The following RALGPS1 variants were observed in gnomAD, a reference collection of about 807,000 sequenced individuals.
The protein encoded by RALGPS1 is Ral GEF with PH domain and SH3 binding motif 1.
Under a neutral mutation model 78.8 loss-of-function variants are expected in RALGPS1, and 19 were observed. The observed-to-expected ratio is 0.24, with a 90% CI of 0.17 to 0.35. The LOEUF (loss-of-function observed/expected upper bound fraction) is 0.35. RALGPS1 is among the 10% of genes least tolerant of loss of function. The pLI, the probability that RALGPS1 is intolerant of heterozygous loss-of-function variation, is 1.00. For synonymous variants in RALGPS1, 228 were observed against 256.3 expected (o/e 0.89, Z 1.06); for missense variants, 454 against 688.3 (o/e 0.66, Z 3.81).
intron 8 of RALGPS1, among the ~76,000 whole-genome samples, chr9:127,148,164 T>C (rs2058207583): frequency 6.6e-6 from 1 of 152,238 alleles, no homozygotes. Context: ...TATCTGTGGA[T>C]TCGGTGTATG....
intron 3 of RALGPS1, among the ~76,000 whole-genome samples, chr9:126,975,885 C>T (rs955725641): frequency 6.6e-6 from 1 of 152,184 alleles, no homozygotes; most frequent in African/African-American, 2.4e-5. Context: ...CTCTCTCCCA[C>T]CTCTCAGCCA....
chr9:127,181,574 T>C (rs1328400071), intron 11 of RALGPS1, among the ~76,000 whole-genome samples: 1 of 152,248 alleles, frequency 6.6e-6, no homozygotes, highest in African/African-American at 2.4e-5. Flanking sequence ...AGTCACACAT[T>C]GTCCCCAGTT....
At chr9:127,137,193 T>G (rs1055743218) in intron 8 of RALGPS1, among the ~76,000 whole-genome samples, 2 of 152,196 alleles carry the variant, frequency 1.3e-5, no homozygotes, top group African/African-American at 4.8e-5. Flanking sequence ...GAGAAGGGCA[T>G]GCAACCCAGC....
chr9:127,105,336 C>G (rs1204859212), intron 8 of RALGPS1, among the ~76,000 whole-genome samples: 2 of 152,190 alleles, frequency 1.3e-5, no homozygotes, highest in Non-Finnish European at 2.9e-5. Context: ...GTGCAGGACA[C>G]TTGGATACAC....
intron 8 of RALGPS1, among the ~76,000 whole-genome samples, chr9:127,104,567 G>A (rs767854220): frequency 6.6e-6 from 1 of 152,232 alleles, no homozygotes; most frequent in Non-Finnish European, 1.5e-5. Context: ...ACAAAGCCCA[G>A]GTGAGGAGCC....
intron 1 of RALGPS1, among the ~76,000 whole-genome samples, chr9:126,958,772 T>G (rs1224725474): frequency 6.6e-6 from 1 of 152,202 alleles, no homozygotes. Context: ...TTTTTTTAGG[T>G]AGATACCTAG....
At chr9:127,174,170 A>G (rs1249515127) in intron 10 of RALGPS1, among the ~76,000 whole-genome samples, 22 of 151,894 alleles carry the variant, frequency 1.4e-4, no homozygotes. Flanking sequence ...AGGCTGAGGC[A>G]GGAGAATCAC....
rs534626123 is a variant in RALGPS1, at chr9:127,010,810, A to G, written c.217-23621A>G. On this transcript the variant is annotated intron_variant, in intron 4 of 18. Transcript: ENST00000259351. ...CATGACTTGGGTCAGATGTGGGGAC[A>G]CTTGGCCATTAGGAAGCTTTACATA... is the stretch of plus-strand genomic sequence containing the variant. 2.0e-5 allele frequency among the ~76,000 whole-genome samples: 3 copies of G among 152,346 alleles called. No homozygotes were observed. The East Asian group carries it at 5.8e-4, about 29-fold the overall frequency.
intron 5 of RALGPS1, among the ~76,000 whole-genome samples, chr9:127,035,597 T>C (rs990157329): frequency 6.6e-6 from 1 of 152,156 alleles, no homozygotes; most frequent in African/African-American, 2.4e-5. Flanking sequence ...AGCTGGGCCT[T>C]CTCTCTCGGA....
At chr9:127,189,008 A>C (rs892012126) in intron 11 of RALGPS1, among the ~76,000 whole-genome samples, 2 of 145,770 alleles carry the variant, frequency 1.4e-5, no homozygotes, top group African/African-American at 4.9e-5. Flanking sequence ...AAAAAAAAAA[A>C]AAAAAAAAAA....
At chr9:126,922,908 A>C (rs1256650403) in intron 1 of RALGPS1, among the ~76,000 whole-genome samples, 1 of 152,204 alleles carries the variant, frequency 6.6e-6, no homozygotes, top group East Asian at 1.9e-4. Context: ...CATCATTAGC[A>C]TGGCCGGTGA....
At chr9:127,082,676 G>T (rs1009548508) in intron 8 of RALGPS1, among the ~76,000 whole-genome samples, 4 of 152,150 alleles carry the variant, frequency 2.6e-5, no homozygotes, top group African/African-American at 9.7e-5. Flanking sequence ...ATGCACTTGG[G>T]CAGCTCACTT....
chr9:127,164,242 T>C (rs939136095), intron 8 of RALGPS1, among the ~76,000 whole-genome samples: 1 of 152,114 alleles, frequency 6.6e-6, no homozygotes, highest in African/African-American at 2.4e-5. Context: ...AGCTTGTTAT[T>C]ATTATTATTA....
intron 8 of RALGPS1, chr9:127,089,126 T>C (rs1564554004): frequency 6.2e-7 from 1 of 1,614,024 alleles, no homozygotes; most frequent in Non-Finnish European, 8.5e-7. Context: ...CTTCTGGTAG[T>C]GGGCACAGTT....
intron 3 of RALGPS1, among the ~76,000 whole-genome samples, chr9:126,976,353 G>A (rs1034086220): frequency 2.7e-5 from 4 of 147,100 alleles, no homozygotes; most frequent in Admixed American, 6.8e-5. Flanking sequence ...ACGCACACAC[G>A]TACACCCTCA....
At chr9:126,971,836 G>A (rs2040151942) in intron 3 of RALGPS1, among the ~76,000 whole-genome samples, 1 of 152,140 alleles carries the variant, frequency 6.6e-6, no homozygotes, top group Non-Finnish European at 1.5e-5. Context: ...ATGACTATAG[G>A]ATAAAGTAAA....
At position 127,050,072 on chromosome 9, in the gene RALGPS1, A is replaced by G. The variant is rs373710225; in HGVS notation, c.330A>G (p.Leu110=). Residue 110 remains leucine, a synonymous_variant, in exon 6 of 19, where the codon CTA becomes CTG. Transcript: ENST00000259351. ...GTTTTTGGGTTGTACGAGAAATTCTAACAGCACAGACTTTAAAAATAAGGG... is the reference window on the plus strand; with the variant it reads ...GTTTTTGGGTTGTACGAGAAATTCTGACAGCACAGACTTTAAAAATAAGGG... ...QVSFWVVREI[L]TAQTLKIRAE... The G allele has an allele frequency of 5.6e-6, 9 of 1,614,022 alleles. No individual in the cohort carries two copies. The African/African-American group carries it at 9.3e-5, about 17-fold the overall frequency.
At chr9:127,052,009 G>A (rs904232865) in intron 6 of RALGPS1, among the ~76,000 whole-genome samples, 20 of 152,220 alleles carry the variant, frequency 1.3e-4, no homozygotes, top group African/African-American at 4.8e-4. Flanking sequence ...CCAGCCACTG[G>A]TCTAGGCAGT....
At chr9:127,077,942 G>T (rs962308977) in intron 8 of RALGPS1, among the ~76,000 whole-genome samples, 14 of 152,170 alleles carry the variant, frequency 9.2e-5, no homozygotes, top group African/African-American at 3.1e-4. Context: ...TGGTCTGCCT[G>T]CCCATGGAGC....
Sources: allele counts gnomAD v4.1 joint callset (sites outside exome capture counted in the v4.1 genomes callset), GRCh38; gene constraint gnomAD v4.1.1; transcripts MANE v1.5; gene names NCBI Gene and HGNC (gene_info 2026-07-23, HGNC 2026-07-21).